Variants in RPS6KC1 observed in about 807,000 individuals in gnomAD.
RPS6KC1 encodes ribosomal protein S6 kinase C1, also known as inactive ribosomal protein S6 kinase delta-1.
In RPS6KC1, 54 loss-of-function variants were observed where a neutral mutation model predicts 103.8. The observed-to-expected ratio is 0.52, with a 90% confidence interval of 0.42 to 0.65. RPS6KC1 has a LOEUF of 0.65. Ranked by LOEUF, RPS6KC1 falls within the 30% of genes least tolerant of loss-of-function variation. The pLI is 0.00. For missense variants in RPS6KC1, 1,151 were observed against 1,253.8 expected, an observed-to-expected ratio of 0.92 and a Z score of 1.24; for synonymous variants, 439 against 438.7, an observed-to-expected ratio of 1.00 and a Z score of -0.01.
the RPS6KC1 span, among the ~76,000 whole-genome samples, chr1:213,524,105 G>A: frequency 6.6e-6 from 1 of 152,166 alleles, no homozygotes; most frequent in Admixed American, 6.5e-5. Context: ...GAATGAGGTT[G>A]AGAAAAGACT....
At chr1:213,602,716 C>T in the RPS6KC1 span, among the ~76,000 whole-genome samples, 35 of 152,106 alleles carry the variant, frequency 2.3e-4, 1 homozygote, top group Admixed American at 2.0e-4. Flanking sequence ...CTTTGGGAAG[C>T]AAAGATATAC....
chr1:213,168,068 T>C, intron 7 of RPS6KC1, 95 bp downstream of exon 7: 1 of 672,088 alleles, frequency 1.5e-6, no homozygotes, highest in Non-Finnish European at 2.4e-6. Context: ...AGGATTTTGA[T>C]TTTTTGAATT....
At chr1:213,757,233 G>A in the RPS6KC1 span, among the ~76,000 whole-genome samples, 4 of 152,176 alleles carry the variant, frequency 2.6e-5, no homozygotes, top group South Asian at 8.3e-4. Context: ...TAGTGAGGAA[G>A]GCATGTCAAA....
At chr1:213,402,017 G>GGAGC in the RPS6KC1 span, among the ~76,000 whole-genome samples, 1 of 152,044 alleles carries the variant, frequency 6.6e-6, no homozygotes, top group Non-Finnish European at 1.5e-5. Context: ...TGGAATTCTG[G>GGAGC]CTTCAGCCTC....
intron 3 of RPS6KC1, among the ~76,000 whole-genome samples, chr1:213,092,447 G>A (rs140002002): frequency 0.01 from 1,576 of 152,122 alleles, 31 homozygotes; most frequent in African/African-American, 0.036. Flanking sequence ...CGAGGCGGGC[G>A]GATCGCAAGG....
At chr1:213,521,821 T>C in the RPS6KC1 span, among the ~76,000 whole-genome samples, 1 of 152,226 alleles carries the variant, frequency 6.6e-6, no homozygotes, top group South Asian at 2.1e-4. Flanking sequence ...CTTCAGGTTC[T>C]CTTCTAATTC....
At chr1:213,665,202 C>CAAT in the RPS6KC1 span, among the ~76,000 whole-genome samples, 1 of 150,590 alleles carries the variant, frequency 6.6e-6, no homozygotes, top group Admixed American at 6.6e-5. Context: ...CAAGCAAAAA[C>CAAT]AACAACAACA....
At chr1:213,800,970 G>A in the RPS6KC1 span, among the ~76,000 whole-genome samples, 1 of 152,178 alleles carries the variant, frequency 6.6e-6, no homozygotes, top group Non-Finnish European at 1.5e-5. Flanking sequence ...AGAAGAGAAG[G>A]CAAGTTCAGC....
Position 213,168,416 on chromosome 1 carries a change from G to A in RPS6KC1, c.951+443G>A, listed in dbSNP as rs565116133. On this transcript the variant is annotated intron_variant, in intron 7 of 14. Coordinates refer to ENST00000366960, the MANE Select transcript of RPS6KC1 (RefSeq NM_012424.6). ...GCATAATTCTAGCAGAGATAGTTAT[G>A]TTATTTGGGACTTCTGCTAGACTTG... Among the ~76,000 whole-genome samples, 80 of 152,306 alleles carry A rather than the reference G, an allele frequency of 5.3e-4. 1 individual carries two copies. Among genetic ancestry groups the A allele is most frequent in the African/African-American group, 1.9e-3 (79 of 41,564 alleles).
At chr1:213,574,446 G>A in the RPS6KC1 span, among the ~76,000 whole-genome samples, 1 of 152,228 alleles carries the variant, frequency 6.6e-6, no homozygotes, top group Admixed American at 6.5e-5. Flanking sequence ...TTTAGTCATT[G>A]ATGGGCTAGA....
intron 8 of RPS6KC1, among the ~76,000 whole-genome samples, chr1:213,227,759 A>G (rs985267820): frequency 4.6e-5 from 7 of 152,172 alleles, no homozygotes; most frequent in Non-Finnish European, 8.8e-5. Flanking sequence ...GCCAGCAGCC[A>G]TGCATCCCTT....
At chr1:213,691,767 T>C in the RPS6KC1 span, among the ~76,000 whole-genome samples, 2 of 152,138 alleles carry the variant, frequency 1.3e-5, no homozygotes, top group South Asian at 2.1e-4. Flanking sequence ...CCTGAAAGCA[T>C]GCACGGGAAG....
chr1:213,239,454 AT>A, intron 10 of RPS6KC1, among the ~76,000 whole-genome samples: 1 of 152,318 alleles, frequency 6.6e-6, no homozygotes, highest in Non-Finnish European at 1.5e-5. Flanking sequence ...TTGAGCATTT[AT>A]TCTATGCTAG....
intron 4 of RPS6KC1, among the ~76,000 whole-genome samples, chr1:213,108,744 C>A (rs931427427): frequency 4.0e-5 from 6 of 151,246 alleles, no homozygotes; most frequent in Non-Finnish European, 1.5e-5. Flanking sequence ...TAACCTCAAA[C>A]TCTTGGGCTC....
chr1:213,613,509 G>T, the RPS6KC1 span, among the ~76,000 whole-genome samples: 2 of 152,174 alleles, frequency 1.3e-5, no homozygotes, highest in African/African-American at 4.8e-5. Flanking sequence ...TCAGACTCTA[G>T]CCTCTTGTCT....
the RPS6KC1 span, among the ~76,000 whole-genome samples, chr1:213,761,290 G>A: frequency 6.6e-6 from 1 of 152,162 alleles, no homozygotes; most frequent in Non-Finnish European, 1.5e-5. Flanking sequence ...GATGCATGTT[G>A]TTTAGCTCAA....
the RPS6KC1 span, among the ~76,000 whole-genome samples, chr1:213,285,213 G>T: frequency 6.6e-5 from 10 of 152,164 alleles, no homozygotes; most frequent in Non-Finnish European, 1.3e-4. Flanking sequence ...TCACACAGGG[G>T]AGAGCAGAGA....
intron 4 of RPS6KC1, among the ~76,000 whole-genome samples, chr1:213,107,286 A>G (rs1023474290): frequency 6.6e-6 from 1 of 152,118 alleles, no homozygotes; most frequent in African/African-American, 2.4e-5. Flanking sequence ...CTCTGTGTCT[A>G]CTTGCTATGG....
chr1:213,071,161 C>G lies in RPS6KC1; in HGVS notation c.141+120C>G. 5.3e-6 allele frequency: 3 copies of G among 564,828 alleles called. No homozygotes were observed. In the Admixed American group the frequency reaches 1.2e-4, roughly 22 times the overall value. 35.0% of individuals were successfully genotyped at this position (564,828 alleles called of 1,614,324 possible). On this transcript the variant is annotated intron_variant, in intron 2 of 14. Coordinates refer to ENST00000366960, the MANE Select transcript of RPS6KC1 (RefSeq NM_012424.6). ...CTCTTTTTTTTGAGACGGAGTTTCG[C>G]TCCTGTTGCTCAGGCTGGAGTGCAG...
Sources: gnomAD v4.1 joint callset for allele counts (sites outside exome capture counted in the v4.1 genomes callset) on GRCh38, gnomAD v4.1.1 for gene constraint, MANE v1.5 for transcripts, NCBI Gene and HGNC (gene_info 2026-07-23, HGNC 2026-07-21) for gene names.